PDE1A: variants seen among roughly 807,000 people sequenced by gnomAD.
PDE1A encodes phosphodiesterase 1A.
PDE1A carries 35 observed loss-of-function variants against 61.7 expected under a neutral mutation model. The ratio of observed to expected loss-of-function variants is 0.57; its 90% CI spans 0.43 to 0.75. The LOEUF (loss-of-function observed/expected upper bound fraction) is 0.75. Among genes scored for constraint, PDE1A ranks in the 30% least tolerant of loss-of-function variants. The pLI is 0.00. For synonymous variants in PDE1A, 232 were observed against 213.2 expected, an observed-to-expected ratio of 1.09 and a Z score of -0.77; for missense variants, 597 against 630.6, an observed-to-expected ratio of 0.95 and a Z score of 0.57.
intron 1 of PDE1A, among the ~76,000 whole-genome samples, chr2:182,296,299 T>TC (rs1006185500): frequency 6.6e-6 from 1 of 152,046 alleles, no homozygotes; most frequent in African/African-American, 2.4e-5. Flanking sequence ...TTGATACAAC[T>TC]CCCCCACTGT....
At chr2:182,370,070 G>A (rs768376263) in intron 1 of PDE1A, among the ~76,000 whole-genome samples, 2 of 151,996 alleles carry the variant, frequency 1.3e-5, no homozygotes, top group Admixed American at 6.6e-5. Context: ...CTAGCTACTC[G>A]GGAGGCTGAG....
chr2:182,631,548 C>A, the PDE1A span, among the ~76,000 whole-genome samples: 1 of 152,162 alleles, frequency 6.6e-6, no homozygotes, highest in Non-Finnish European at 1.5e-5. Flanking sequence ...GCATACCCCC[C>A]AGAAACAATG....
intron 2 of PDE1A, among the ~76,000 whole-genome samples, chr2:182,243,288 A>T (rs1369526004): frequency 1.3e-5 from 2 of 152,200 alleles, no homozygotes; most frequent in Non-Finnish European, 2.9e-5. Context: ...ATAAAATAAG[A>T]ATTATGATAT....
chr2:182,245,434 GTC>G (rs1469822981), intron 2 of PDE1A, among the ~76,000 whole-genome samples: 2 of 152,088 alleles, frequency 1.3e-5, no homozygotes, highest in East Asian at 3.9e-4. Context: ...AATGACATAT[GTC>G]TACCATTACA....
the PDE1A span, among the ~76,000 whole-genome samples, chr2:182,616,886 A>C: frequency 6.6e-6 from 1 of 152,230 alleles, no homozygotes; most frequent in African/African-American, 2.4e-5. Flanking sequence ...GAGATCCATT[A>C]AACCTCAGTG....
At chr2:182,658,190 C>T in the PDE1A span, among the ~76,000 whole-genome samples, 32 of 152,062 alleles carry the variant, frequency 2.1e-4, no homozygotes, top group South Asian at 6.4e-3. Context: ...TTTCTAGAGG[C>T]TAGACGTCCA....
At chr2:182,522,593 C>T in intron 1 of PDE1A, 1 of 1,357,044 alleles carries the variant, frequency 7.4e-7, no homozygotes, top group African/African-American at 1.5e-5. Context: ...CCTAAGCAGA[C>T]AGCAGTATAA....
intron 13 of PDE1A, among the ~76,000 whole-genome samples, chr2:182,151,928 G>A (rs555869453): frequency 6.6e-6 from 1 of 152,300 alleles, no homozygotes; most frequent in East Asian, 1.9e-4. Flanking sequence ...AGGGGTAGCT[G>A]ACTATTCCAA....
At chr2:182,700,574 T>G in the PDE1A span, among the ~76,000 whole-genome samples, 1 of 151,530 alleles carries the variant, frequency 6.6e-6, no homozygotes, top group African/African-American at 2.4e-5. Flanking sequence ...ATACAAAAAT[T>G]AGCCAGGTGT....
At chr2:182,448,428 G>A (rs910628286) in intron 2 of PDE1A, among the ~76,000 whole-genome samples, 3 of 151,830 alleles carry the variant, frequency 2.0e-5, no homozygotes, top group Non-Finnish European at 4.4e-5. Flanking sequence ...CCTTGTTGAA[G>A]TCTGATTTAC....
chr2:182,186,410 G>GATT, intron 12 of PDE1A, 58 bp downstream of exon 12: 1 of 1,559,388 alleles, frequency 6.4e-7, no homozygotes, highest in Non-Finnish European at 8.7e-7. Flanking sequence ...AATCATTAAG[G>GATT]AAAGTGTTAC....
At chr2:182,395,574 A>G (rs1238053891) in intron 1 of PDE1A, among the ~76,000 whole-genome samples, 1 of 152,184 alleles carries the variant, frequency 6.6e-6, no homozygotes, top group Non-Finnish European at 1.5e-5. Context: ...GGGAGGCAAC[A>G]CATTCCTCAT....
chr2:182,546,059 T>C, the PDE1A span, among the ~76,000 whole-genome samples: 1 of 152,124 alleles, frequency 6.6e-6, no homozygotes, highest in Non-Finnish European at 1.5e-5. Flanking sequence ...CTGAGGAAAG[T>C]TATTTGAATT....
chr2:182,604,375 C>T, the PDE1A span, among the ~76,000 whole-genome samples: 24 of 152,134 alleles, frequency 1.6e-4, no homozygotes, highest in African/African-American at 5.8e-4. Flanking sequence ...TTTGCTATTT[C>T]TTGAACATTG....
intron 1 of PDE1A, among the ~76,000 whole-genome samples, chr2:182,265,904 T>C (rs997278466): frequency 6.6e-6 from 1 of 152,182 alleles, no homozygotes; most frequent in Non-Finnish European, 1.5e-5. Context: ...GCGGCTACTT[T>C]TAGGCACTCC....
downstream of PDE1A, among the ~76,000 whole-genome samples, chr2:182,163,709 C>A (rs148204567): frequency 1.3e-5 from 2 of 152,030 alleles, no homozygotes; most frequent in Non-Finnish European, 2.9e-5. Context: ...ATTATAAAGG[C>A]GACATATTTG....
chr2:182,548,595 T>C, the PDE1A span, among the ~76,000 whole-genome samples: 5 of 152,318 alleles, frequency 3.3e-5, no homozygotes, highest in East Asian at 9.6e-4. Context: ...ATTTTTTTCT[T>C]TTTTAAATAA....
intron 13 of PDE1A, among the ~76,000 whole-genome samples, chr2:182,155,913 A>G (rs1210206617): frequency 6.6e-6 from 1 of 152,044 alleles, no homozygotes; most frequent in African/African-American, 2.4e-5. Flanking sequence ...TAATCCCCAC[A>G]GCTCAAGGGC....
chr2:182,212,564 G>A lies in PDE1A; in HGVS notation c.777-6499C>T, dbSNP rs535633789. Among the ~76,000 whole-genome samples the A allele has an allele frequency of 2.8e-3, 430 of 152,308 alleles. 1 individual carries two copies. The highest frequency in any genetic ancestry group is 3.4e-3 in the Middle Eastern group (1 of 294). The stretch of plus-strand genomic sequence containing the variant: ...GCACAGGTCAGTGGGTGCGCGCACC[G>A]TGCGCAAGCCGAAGCAGGGCGAGGC... On this transcript the variant is annotated intron_variant, in intron 7 of 13. Transcript: ENST00000351439.
Sources: gnomAD v4.1 joint callset for allele counts (sites outside exome capture counted in the v4.1 genomes callset) on GRCh38, gnomAD v4.1.1 for gene constraint, MANE v1.5 for transcripts, NCBI Gene and HGNC (gene_info 2026-07-23, HGNC 2026-07-21) for gene names.